Variants in ABR observed in about 807,000 individuals in gnomAD.
ABR encodes the protein ABR activator of RhoGEF and GTPase.
ABR carries 35 observed loss-of-function variants against 107.2 expected under a neutral mutation model. The ratio of observed to expected loss-of-function variants is 0.33; its 90% CI spans 0.25 to 0.43. The LOEUF (loss-of-function observed/expected upper bound fraction) is 0.43, where lower values mean the gene tolerates loss of function less well. ABR is among the 20% of genes least tolerant of loss of function. The pLI, the probability that ABR is intolerant of heterozygous loss-of-function variation, is 1.00. For synonymous variants in ABR, 498 were observed against 462.0 expected (o/e 1.08, Z -1.00); for missense variants, 815 against 1,115.2 (o/e 0.73, Z 3.83).
chr17:1,169,536 G>C (rs1178730893), intron 1 of ABR, among the ~76,000 whole-genome samples: 1 of 152,206 alleles, frequency 6.6e-6, no homozygotes, highest in South Asian at 2.1e-4. Context: ...AGCCAAAGGG[G>C]GCTCCGCTAA....
intron 1 of ABR, among the ~76,000 whole-genome samples, chr17:1,208,563 T>A (rs919375800): frequency 6.6e-6 from 1 of 152,118 alleles, no homozygotes; most frequent in Non-Finnish European, 1.5e-5. Flanking sequence ...TGACCACTGC[T>A]CCCTTGTTGA....
At chr17:1,134,150 C>T (rs1483225099) in intron 1 of ABR, among the ~76,000 whole-genome samples, 7 of 152,090 alleles carry the variant, frequency 4.6e-5, no homozygotes, top group African/African-American at 7.2e-5. Flanking sequence ...TGGTGACTCA[C>T]GCCTGTAATC....
intron 1 of ABR, among the ~76,000 whole-genome samples, chr17:1,175,193 CCT>C (rs2041874715): frequency 6.6e-6 from 1 of 152,078 alleles, no homozygotes; most frequent in East Asian, 1.9e-4. Context: ...GGGTGGATCA[CCT>C]GAGGTCAGGA....
intron 1 of ABR, chr17:1,228,318 G>C (rs2043261345): frequency 6.6e-6 from 1 of 152,608 alleles, no homozygotes; most frequent in Non-Finnish European, 1.5e-5. Context: ...AGGAGACTAA[G>C]TTCAGAAAAT....
rs2040665292 is a variant in ABR, at chr17:1,148,797, G to T, written c.62-23430C>A. Among the ~76,000 whole-genome samples, 1 of 152,234 alleles carries T rather than the reference G, an allele frequency of 6.6e-6. No individual in the cohort carries two copies. Among genetic ancestry groups the T allele is most frequent in the South Asian group, 2.1e-4 (1 of 4,832 alleles). On this transcript the variant is annotated intron_variant, in intron 1 of 22. Coordinates refer to ENST00000302538, the MANE Select transcript of ABR (RefSeq NM_021962.5). The surrounding 1 kb of genome is among the most constrained non-coding windows in gnomAD (Gnocchi z 4.9). ...TGAGAGTTCCGGAGATGACGGTGCTGATGGCCGCACCAGAGTGTGAACGTG... is the reference window on the plus strand; with the variant it reads ...TGAGAGTTCCGGAGATGACGGTGCTTATGGCCGCACCAGAGTGTGAACGTG...
intron 2 of ABR, among the ~76,000 whole-genome samples, chr17:1,123,544 GT>G (rs1212077598): frequency 6.6e-6 from 1 of 152,208 alleles, no homozygotes; most frequent in Non-Finnish European, 1.5e-5. Context: ...ACCAGTCATG[GT>G]GGTCACGCGA....
chr17:1,023,119 A>C (rs2663344), intron 16 of ABR, among the ~76,000 whole-genome samples: 4,354 of 98,774 alleles, frequency 0.044, 378 homozygotes, highest in East Asian at 0.12. Context: ...CACGTCCACT[A>C]CAGCGCCTCT....
At chr17:1,183,312 C>G (rs1335969314), upstream of ABR, among the ~76,000 whole-genome samples, 1 of 152,122 alleles carries the variant, frequency 6.6e-6, no homozygotes, top group African/African-American at 2.4e-5. Flanking sequence ...CCTCCCAGCC[C>G]TCCCTCCAGC....
intron 1 of ABR, among the ~76,000 whole-genome samples, chr17:1,211,603 C>T (rs2042904335): frequency 6.6e-6 from 1 of 152,178 alleles, no homozygotes; most frequent in Admixed American, 6.5e-5. Context: ...ATTAACACAT[C>T]CATTTTACAG....
At chr17:1,026,698 T>C (rs752836183) in intron 16 of ABR, among the ~76,000 whole-genome samples, 13 of 152,194 alleles carry the variant, frequency 8.5e-5, no homozygotes, top group Non-Finnish European at 1.8e-4. Context: ...CGCAGGGGAC[T>C]GTCTGTTCCT....
chr17:1,052,254 G>A (rs1216161254), intron 14 of ABR, among the ~76,000 whole-genome samples: 1 of 151,918 alleles, frequency 6.6e-6, no homozygotes, highest in Non-Finnish European at 1.5e-5. Context: ...GGCCAGACCA[G>A]GGAGTGGGCC....
At chr17:1,048,267 G>A (rs2151015418) in intron 16 of ABR, among the ~76,000 whole-genome samples, 1 of 152,356 alleles carries the variant, frequency 6.6e-6, no homozygotes, top group East Asian at 1.9e-4. Flanking sequence ...GCATCGGAAA[G>A]AGACGTGTTT....
rs2073654039 is a variant in ABR at position 1,179,811 on chromosome 17, C to A, written c.-84G>T. The stretch of plus-strand genomic sequence containing the variant: ...GAGAGCGGGCGGGAGCCGGGGGAGG[C>A]CGAAGTTGCGAGCGCGGAGGGGCGA... On this transcript the variant is annotated 5_prime_UTR_variant, in exon 1 of 23. Transcript: ENST00000302538. This position sits in a 1 kb window ranked among gnomAD's most constrained non-coding sequence, Gnocchi z 4.9. 1 of 1,313,930 alleles carries A rather than the reference C, an allele frequency of 7.6e-7. No individual in the cohort carries two copies. The highest frequency in any genetic ancestry group is 9.9e-7 in the Non-Finnish European group (1 of 1,009,578). The allele number at this position is 1,313,930 out of a possible 1,614,324, so 81.4% of individuals were successfully genotyped here. A position where few individuals can be genotyped will look rare whatever the true frequency, so the allele number is the denominator to read the frequency against.
At chr17:1,052,353 G>T (rs1367506102) in intron 14 of ABR, among the ~76,000 whole-genome samples, 5 of 151,068 alleles carry the variant, frequency 3.3e-5, no homozygotes, top group Admixed American at 2.6e-4. Flanking sequence ...GGGCTCACAG[G>T]GTCAGAGGGA....
intron 1 of ABR, among the ~76,000 whole-genome samples, chr17:1,126,059 C>T (rs916827644): frequency 6.6e-6 from 1 of 152,142 alleles, no homozygotes; most frequent in Admixed American, 6.5e-5. Flanking sequence ...GAAGGAAAGG[C>T]GACCGGGAAG....
intron 1 of ABR, among the ~76,000 whole-genome samples, chr17:1,195,242 G>A (rs2042533070): frequency 7.3e-6 from 1 of 137,466 alleles, no homozygotes; most frequent in South Asian, 2.6e-4. Flanking sequence ...GGAAGGCGGA[G>A]CTTGCAGTGA....
intron 10 of ABR, among the ~76,000 whole-genome samples, chr17:1,061,239 G>T (rs1035166264): frequency 6.6e-6 from 1 of 152,106 alleles, no homozygotes; most frequent in Non-Finnish European, 1.5e-5. Context: ...TGCACAGCTG[G>T]GGCAACGGGG....
intron 1 of ABR, among the ~76,000 whole-genome samples, chr17:1,134,690 T>C (rs933847845): frequency 9.2e-5 from 14 of 151,484 alleles, no homozygotes; most frequent in African/African-American, 3.2e-4. Flanking sequence ...GACCGGAGGG[T>C]GTGGGCAACA....
At chr17:1,226,014 G>A (rs1407914389) in intron 1 of ABR, among the ~76,000 whole-genome samples, 1 of 152,188 alleles carries the variant, frequency 6.6e-6, no homozygotes, top group African/African-American at 2.4e-5. Flanking sequence ...CCGAAACGGA[G>A]TCCAAAAACA....
Sources: allele counts gnomAD v4.1 joint callset (sites outside exome capture counted in the v4.1 genomes callset), GRCh38; gene constraint gnomAD v4.1.1; non-coding constraint Gnocchi (gnomAD v3.1); transcripts MANE v1.5; gene names NCBI Gene and HGNC (gene_info 2026-07-23, HGNC 2026-07-21).